The following DIP2B variants were observed in gnomAD, a reference collection of about 807,000 sequenced individuals.
The protein encoded by DIP2B is DIP2 acetate--CoA ligase B (putative).
In DIP2B, 76 loss-of-function variants were observed where a neutral mutation model predicts 198.0. The observed-to-expected ratio is 0.38, with a 90% CI of 0.32 to 0.46. The LOEUF is 0.46. Among genes scored for constraint, DIP2B ranks in the 20% least tolerant of loss-of-function variants. The pLI is 0.99. For missense variants in DIP2B, 1,559 were observed against 1,978.4 expected (o/e 0.79, Z 4.02); for synonymous variants, 701 against 739.1 (o/e 0.95, Z 0.84).
At chr12:50,528,718 A>C (rs1426384828) in intron 1 of DIP2B, among the ~76,000 whole-genome samples, 1 of 152,224 alleles carries the variant, frequency 6.6e-6, no homozygotes, top group Non-Finnish European at 1.5e-5. Context: ...ATCCTAAGAA[A>C]TGCTAACATG....
chr12:50,590,961 C>T (rs1261029461), intron 1 of DIP2B, among the ~76,000 whole-genome samples: 1 of 152,230 alleles, frequency 6.6e-6, no homozygotes, highest in East Asian at 1.9e-4. Context: ...GGTGAATGGA[C>T]CATGAGGGCT....
chr12:50,564,347 T>C (rs1308585888), intron 1 of DIP2B, among the ~76,000 whole-genome samples: 2 of 152,350 alleles, frequency 1.3e-5, no homozygotes, highest in African/African-American at 2.4e-5. Context: ...TGTTCTGTTA[T>C]GGTGGGAGAA....
intron 21 of DIP2B, among the ~76,000 whole-genome samples, chr12:50,707,649 G>C (rs373067599): frequency 6.6e-6 from 1 of 152,278 alleles, no homozygotes; most frequent in East Asian, 1.9e-4. Flanking sequence ...GTGGGAGACA[G>C]ACAGGAACCA....
chr12:50,641,542 C>T lies in DIP2B; in HGVS notation c.301+690C>T, dbSNP rs116488505. Among the ~76,000 whole-genome samples the T allele has an allele frequency of 1.5e-3, 221 of 152,288 alleles. 2 individuals are homozygous for T. The highest frequency in any genetic ancestry group is 4.6e-3 in the African/African-American group (191 of 41,572). ...AAGAGGCAGGCCCTTCTGTGTTTGC[C>T]AGAGTTGTTGCATAACTAGTCTCTC... On this transcript the variant is annotated intron_variant, in intron 3 of 37. Transcript: ENST00000301180.
chr12:50,720,252 C>A (rs1354002072), intron 25 of DIP2B, among the ~76,000 whole-genome samples: 1 of 152,016 alleles, frequency 6.6e-6, no homozygotes, highest in African/African-American at 2.4e-5. Flanking sequence ...TAAAGTTATG[C>A]ATTCTGTGGG....
chr12:50,534,369 ATTTTTTTTTT>A (rs72095442), intron 1 of DIP2B, among the ~76,000 whole-genome samples: 9 of 107,878 alleles, frequency 8.3e-5, no homozygotes, highest in African/African-American at 1.8e-4. Context: ...TTCTCATTTC[ATTTTTTTTTT>A]TTTTTTTTTT....
rs1397870100 is a variant in DIP2B, at chr12:50,728,502, C to T, written c.3511-46C>T. 2.5e-6 allele frequency: 4 copies of T among 1,588,466 alleles called. No homozygotes were observed. The South Asian group carries it at 4.6e-5, about 18-fold the overall frequency. ...GCTGTCGTCAGAGCTGTTACTCTGC[C>T]TGTGGGATAACAGTCCCAGCCTGTT... On this transcript the variant is annotated intron_variant, in intron 29 of 37. Transcript: ENST00000301180.
rs1440203932 is a variant in DIP2B, at chr12:50,732,450, T to G, written c.3895T>G (p.Ser1299Ala). ...CCGCGTTGCACTCCAGCAGTCCTTC[T>G]CTAAGCTCTTCAAAGACATCGGGCT... ...RPRVALQQSF[S>A]KLFKDIGLSP... The change falls in exon 32 of 38, where the codon TCT becomes GCT. Residue 1299 changes from serine to alanine, a missense_variant. Transcript: ENST00000301180. 1 of 1,614,240 alleles carries G rather than the reference T, an allele frequency of 6.2e-7. No homozygotes were observed. Among genetic ancestry groups the G allele is most frequent in the South Asian group, 1.1e-5 (1 of 91,090 alleles).
intron 27 of DIP2B, 47 bp from the exon 28 acceptor site, chr12:50,724,728 T>G: frequency 2.5e-6 from 4 of 1,570,998 alleles, no homozygotes; most frequent in Non-Finnish European, 3.5e-6. Context: ...TGGTGCCATG[T>G]TGGGGCTGAG....
chr12:50,694,632 C>T (rs1939277447), intron 14 of DIP2B, among the ~76,000 whole-genome samples: 1 of 146,774 alleles, frequency 6.8e-6, no homozygotes, highest in African/African-American at 2.5e-5. Context: ...CCAGCCTGGG[C>T]AACATAGTGA....
At chr12:50,634,599 G>A (rs913729921) in intron 2 of DIP2B, among the ~76,000 whole-genome samples, 2 of 152,144 alleles carry the variant, frequency 1.3e-5, no homozygotes, top group Non-Finnish European at 2.9e-5. Flanking sequence ...TGTTCAATTA[G>A]GGAAGTCCTG....
At chr12:50,519,376 C>T (rs754764692) in intron 1 of DIP2B, among the ~76,000 whole-genome samples, 11 of 152,204 alleles carry the variant, frequency 7.2e-5, no homozygotes, top group Non-Finnish European at 1.0e-4. Flanking sequence ...GTTGGGATTA[C>T]AGGCATGAGC....
At chr12:50,698,533 T>G (rs888943985) in intron 18 of DIP2B, 66 bp downstream of exon 18, 1 of 1,552,164 alleles carries the variant, frequency 6.4e-7, no homozygotes, top group Non-Finnish European at 8.7e-7. Flanking sequence ...TAGAGCCTGA[T>G]AAAATACAGA....
chr12:50,673,438 C>G (rs1036915055), intron 5 of DIP2B, among the ~76,000 whole-genome samples: 6 of 152,154 alleles, frequency 3.9e-5, no homozygotes, highest in Admixed American at 2.6e-4. Context: ...GTTGTCGTTA[C>G]GTGTCCCTGT....
At chr12:50,542,179 C>G (rs1958332019) in intron 1 of DIP2B, among the ~76,000 whole-genome samples, 1 of 138,720 alleles carries the variant, frequency 7.2e-6, no homozygotes, top group African/African-American at 2.7e-5. Flanking sequence ...ACCCGGGAGG[C>G]AGAGCTTGCA....
chr12:50,674,768 CT>C, intron 6 of DIP2B, 139 bp downstream of exon 6: 18 of 1,019,408 alleles, frequency 1.8e-5, no homozygotes, highest in Non-Finnish European at 1.8e-5. Context: ...TCCTGGGTAC[CT>C]TTTTTCCATC....
chr12:50,603,163 CAA>C (rs749993395), intron 1 of DIP2B, among the ~76,000 whole-genome samples: 3 of 124,416 alleles, frequency 2.4e-5, no homozygotes, highest in African/African-American at 3.0e-5. Context: ...GACTCTGTCT[CAA>C]AAAAAAAAAA....
At position 50,740,293 on chromosome 12, in the gene DIP2B, G is replaced by A. The variant is rs951379623; in HGVS notation, c.4354+707G>A. Among the ~76,000 whole-genome samples the A allele has an allele frequency of 2.0e-5, 3 of 152,354 alleles. No individual in the cohort carries two copies. In the South Asian group the frequency reaches 6.2e-4, roughly 32 times the overall value. On this transcript the variant is annotated intron_variant, in intron 36 of 37. Transcript: ENST00000301180. ...TCCATAGTTCCCCAGATTTCATGGA[G>A]AGGCAGGGGCAACCCAGGGGAGCAG...
intron 9 of DIP2B, among the ~76,000 whole-genome samples, chr12:50,682,053 T>C (rs1939049565): frequency 6.6e-6 from 1 of 152,214 alleles, no homozygotes; most frequent in African/African-American, 2.4e-5. Flanking sequence ...AATCTGTGAG[T>C]ATCCAAACCA....
Sources: allele counts gnomAD v4.1 joint callset (sites outside exome capture counted in the v4.1 genomes callset), GRCh38; gene constraint gnomAD v4.1.1; transcripts MANE v1.5; gene names NCBI Gene and HGNC (gene_info 2026-07-23, HGNC 2026-07-21).